ACER3: variants seen among roughly 807,000 people sequenced by gnomAD.
ACER3 encodes alkaline ceramidase 3.
In ACER3, 16 loss-of-function variants were observed where a neutral mutation model predicts 48.9. That is an observed-to-expected ratio of 0.33 (90% CI 0.22 to 0.50). ACER3 has a LOEUF of 0.50. Among genes scored for constraint, ACER3 ranks in the 20% least tolerant of loss-of-function variants. The pLI is 0.98. For missense variants in ACER3, 227 were observed against 326.0 expected, an observed-to-expected ratio of 0.70 and a Z score of 2.34; for synonymous variants, 109 against 107.8, an observed-to-expected ratio of 1.01 and a Z score of -0.07.
intron 1 of ACER3, among the ~76,000 whole-genome samples, chr11:76,897,842 A>T (rs1274865474): frequency 6.6e-6 from 1 of 152,328 alleles, no homozygotes; most frequent in East Asian, 1.9e-4. Context: ...AAAAGCGGCT[A>T]AGTTGAGCTG....
intron 10 of ACER3, 109 bp downstream of exon 10, chr11:77,019,885 AG>A: frequency 8.8e-7 from 1 of 1,139,402 alleles, no homozygotes. Context: ...GAGCAAACAC[AG>A]GCTTTGGAAC....
At chr11:76,861,124 G>A (rs1439449730) in intron 1 of ACER3, 45 bp downstream of exon 1, 2 of 1,506,946 alleles carry the variant, frequency 1.3e-6, no homozygotes, top group Admixed American at 4.0e-5. Context: ...AGGGCACCGG[G>A]CTGAGGAGAC....
intron 4 of ACER3, among the ~76,000 whole-genome samples, chr11:76,982,326 C>T (rs575877309): frequency 2.0e-5 from 3 of 151,430 alleles, no homozygotes; most frequent in South Asian, 2.1e-4. Flanking sequence ...AAGTGATTCT[C>T]CTGCCTCAGC....
chr11:76,901,016 A>C (rs1190738216), intron 1 of ACER3, among the ~76,000 whole-genome samples: 1 of 152,096 alleles, frequency 6.6e-6, no homozygotes, highest in African/African-American at 2.4e-5. Flanking sequence ...GGCATTCATG[A>C]CTTTTTTCTA....
At chr11:76,904,409 A>G (rs1946163534) in intron 1 of ACER3, among the ~76,000 whole-genome samples, 1 of 152,124 alleles carries the variant, frequency 6.6e-6, no homozygotes, top group Non-Finnish European at 1.5e-5. Flanking sequence ...TATGACCTGT[A>G]AGCCCTCCCT....
chr11:76,950,278 G>A (rs58073327), intron 2 of ACER3, among the ~76,000 whole-genome samples: 80,419 of 142,100 alleles, frequency 0.57, 26,053 homozygotes, highest in Non-Finnish European at 0.73. Context: ...ACCATAAGCC[G>A]GAGTAGAGTC....
At position 76,943,420 on chromosome 11, in the gene ACER3, C is replaced by T. The variant is rs1225588185; in HGVS notation, c.215-15559C>T. On this transcript the variant is annotated intron_variant, in intron 2 of 10. Coordinates refer to ENST00000532485, the MANE Select transcript of ACER3 (RefSeq NM_018367.7). The stretch of plus-strand genomic sequence containing the variant: ...TATCTTACTTCCTTCATTGGACTAG[C>T]GATCATTCAGAAGCATGTTGTTTAA... 3.3e-5 allele frequency among the ~76,000 whole-genome samples: 5 copies of T among 151,996 alleles called. No individual in the cohort carries two copies. In the East Asian group the frequency reaches 5.8e-4, roughly 18 times the overall value.
chr11:76,895,175 T>A (rs533794663), intron 1 of ACER3, among the ~76,000 whole-genome samples: 65 of 152,354 alleles, frequency 4.3e-4, no homozygotes, highest in Admixed American at 5.2e-4. Context: ...CTACTATTAA[T>A]GATTTGAAAT....
chr11:76,985,180 T>C (rs1487542747), intron 4 of ACER3, among the ~76,000 whole-genome samples: 26 of 152,202 alleles, frequency 1.7e-4, no homozygotes, highest in Admixed American at 1.6e-3. Context: ...TCATCCAGGC[T>C]GGACCCTCTA....
At chr11:76,951,218 G>A (rs565066439) in intron 2 of ACER3, among the ~76,000 whole-genome samples, 6 of 152,250 alleles carry the variant, frequency 3.9e-5, no homozygotes, top group South Asian at 4.1e-4. Context: ...AAGTCTTAAC[G>A]GGAATAAATT....
intron 2 of ACER3, chr11:76,957,438 T>G (rs112701835): frequency 0.047 from 21,342 of 452,054 alleles, 3,560 homozygotes; most frequent in African/African-American, 0.37. Flanking sequence ...TTTTAACTTT[T>G]TGTGTGTGTG....
intron 1 of ACER3, among the ~76,000 whole-genome samples, chr11:76,875,746 T>G (rs1204779032): frequency 2.2e-5 from 3 of 137,684 alleles, no homozygotes; most frequent in Non-Finnish European, 3.1e-5. Context: ...TTTTTTTTTT[T>G]TTTTTTTTTT....
chr11:76,918,711 A>G (rs1322352461), intron 1 of ACER3, among the ~76,000 whole-genome samples: 1 of 152,100 alleles, frequency 6.6e-6, no homozygotes, highest in Non-Finnish European at 1.5e-5. Context: ...TTTATTATTT[A>G]TATCATATTC....
At chr11:76,911,804 T>C (rs1240457000) in intron 1 of ACER3, among the ~76,000 whole-genome samples, 3 of 152,216 alleles carry the variant, frequency 2.0e-5, no homozygotes, top group Admixed American at 2.0e-4. Context: ...ATTTGAGTCC[T>C]AATTCTGATT....
intron 2 of ACER3, among the ~76,000 whole-genome samples, chr11:76,940,341 A>G (rs951893608): frequency 6.6e-6 from 1 of 152,118 alleles, no homozygotes; most frequent in African/African-American, 2.4e-5. Flanking sequence ...TAATGCGTAA[A>G]CCTAATTTAA....
chr11:76,953,358 G>A (rs547417673), intron 2 of ACER3, among the ~76,000 whole-genome samples: 1 of 152,228 alleles, frequency 6.6e-6, no homozygotes, highest in South Asian at 2.1e-4. Flanking sequence ...CAGCGCTTTG[G>A]GAGGCCGAGG....
At chr11:76,886,308 T>C (rs917242526) in intron 1 of ACER3, among the ~76,000 whole-genome samples, 2 of 152,160 alleles carry the variant, frequency 1.3e-5, no homozygotes, top group African/African-American at 4.8e-5. Context: ...AGGCAAGTAA[T>C]TAGAAGAGAT....
At chr11:76,967,738 A>G (rs1948176752) in intron 3 of ACER3, among the ~76,000 whole-genome samples, 2 of 152,258 alleles carry the variant, frequency 1.3e-5, no homozygotes, top group African/African-American at 2.4e-5. Flanking sequence ...ACAAAATTCA[A>G]CAGCCCTTCG....
At chr11:76,934,433 C>G (rs576504442) in intron 2 of ACER3, among the ~76,000 whole-genome samples, 1 of 152,372 alleles carries the variant, frequency 6.6e-6, no homozygotes, top group South Asian at 2.1e-4. Flanking sequence ...CGTCTGCAAT[C>G]CCGGCACCTC....
Sources: allele counts gnomAD v4.1 joint callset (sites outside exome capture counted in the v4.1 genomes callset), GRCh38; gene constraint gnomAD v4.1.1; transcripts MANE v1.5; gene names NCBI Gene and HGNC (gene_info 2026-07-23, HGNC 2026-07-21).